Variants in GRID1 observed in about 807,000 individuals in gnomAD.
The protein encoded by GRID1 is glutamate receptor ionotropic, delta-1.
A neutral mutation model predicts 98.0 loss-of-function variants in GRID1; 28 were observed. That is an observed-to-expected ratio of 0.29 (90% CI 0.21 to 0.39). The LOEUF is 0.39. GRID1 is among the 10% of genes least tolerant of loss of function. The probability of loss-of-function intolerance (pLI) is 1.00; values close to 1 mark genes in which losing one functional copy is unlikely to be tolerated. For synonymous variants in GRID1, 553 were observed against 538.5 expected (o/e 1.03, Z -0.37); for missense variants, 1,111 against 1,340.5 (o/e 0.83, Z 2.67).
chr10:86,129,614 A>T (rs963105280), intron 4 of GRID1, among the ~76,000 whole-genome samples: 1 of 152,038 alleles, frequency 6.6e-6, no homozygotes, highest in Non-Finnish European at 1.5e-5. Flanking sequence ...CCTCTTTACC[A>T]TGTTCACCCC....
chr10:86,186,938 A>G (rs887947180), intron 3 of GRID1, among the ~76,000 whole-genome samples: 1 of 152,250 alleles, frequency 6.6e-6, no homozygotes, highest in Admixed American at 6.5e-5. Context: ...GGCAGAAGCA[A>G]CTGTTCCTCT....
chr10:85,901,038 C>T (rs73344638), intron 5 of GRID1, among the ~76,000 whole-genome samples: 2,888 of 152,064 alleles, frequency 0.019, 83 homozygotes, highest in African/African-American at 0.065. Context: ...GAACTAGGGT[C>T]GCAGCAGGCC....
intron 4 of GRID1, among the ~76,000 whole-genome samples, chr10:86,016,298 C>A (rs1166704026): frequency 2.0e-5 from 3 of 150,154 alleles, no homozygotes; most frequent in African/African-American, 7.3e-5. Context: ...AGGTGCCCAC[C>A]ACCACGCCTG....
intron 5 of GRID1, among the ~76,000 whole-genome samples, chr10:85,898,691 T>C (rs12247493): frequency 0.32 from 48,796 of 151,936 alleles, 8,945 homozygotes; most frequent in African/African-American, 0.5. Flanking sequence ...ACATCTTGTC[T>C]CACTAGAAGG....
At chr10:85,724,312 C>A in intron 11 of GRID1, 40 bp downstream of exon 11, 1 of 1,514,730 alleles carries the variant, frequency 6.6e-7, no homozygotes, top group South Asian at 1.2e-5. Context: ...TTCTTCCAGG[C>A]CCCTAGAGCT....
chr10:85,821,312 G>C (rs968654040), intron 8 of GRID1, among the ~76,000 whole-genome samples: 3 of 151,704 alleles, frequency 2.0e-5, no homozygotes, highest in Non-Finnish European at 4.4e-5. Flanking sequence ...GAGGTCAGGA[G>C]TTGGAGCCCA....
At chr10:85,722,387 CT>C (rs901843618) in intron 12 of GRID1, among the ~76,000 whole-genome samples, 3 of 151,900 alleles carry the variant, frequency 2.0e-5, no homozygotes, top group East Asian at 1.9e-4. Context: ...TGTCCAAGTT[CT>C]TTTTTTTGTA....
At chr10:85,666,471 T>A (rs916930654) in intron 12 of GRID1, among the ~76,000 whole-genome samples, 5 of 152,140 alleles carry the variant, frequency 3.3e-5, no homozygotes, top group Middle Eastern at 3.2e-3. Flanking sequence ...GCACTGGGAC[T>A]TTGATGCCTC....
intron 8 of GRID1, among the ~76,000 whole-genome samples, chr10:85,749,727 C>T (rs1842028703): frequency 6.6e-6 from 1 of 152,110 alleles, no homozygotes; most frequent in African/African-American, 2.4e-5. Context: ...TCAGACAGTC[C>T]AAAACTATTC....
chr10:86,074,674 C>G (rs984829074), intron 4 of GRID1, among the ~76,000 whole-genome samples: 1 of 152,130 alleles, frequency 6.6e-6, no homozygotes, highest in Non-Finnish European at 1.5e-5. Flanking sequence ...GTCAAGTAAC[C>G]CTTTGATATA....
chr10:85,648,543 C>A (rs1252708389), intron 12 of GRID1, among the ~76,000 whole-genome samples: 1 of 138,122 alleles, frequency 7.2e-6, no homozygotes, highest in Non-Finnish European at 1.6e-5. Flanking sequence ...ACAGGAAGAG[C>A]CAGTCTTCTC....
intron 4 of GRID1, among the ~76,000 whole-genome samples, chr10:86,123,940 C>G (rs942519431): frequency 1.3e-5 from 2 of 152,206 alleles, no homozygotes; most frequent in Non-Finnish European, 2.9e-5. Flanking sequence ...ACCAAGGGCC[C>G]ATGCAGGCGG....
At position 86,199,256 on chromosome 10, in the gene GRID1, T is replaced by C. The variant is rs143335410; in HGVS notation, c.520+7108A>G. The stretch of plus-strand genomic sequence containing the variant: ...CCACGTCACCATTCTCACTTCTCTA[T>C]TGTCAGCTAACAGCACCATGTTTTG... On this transcript the variant is annotated intron_variant, in intron 3 of 15. Coordinates refer to ENST00000327946, the MANE Select transcript of GRID1 (RefSeq NM_017551.3). 1.6e-4 allele frequency among the ~76,000 whole-genome samples: 24 copies of C among 152,270 alleles called. No individual in the cohort carries two copies. In the East Asian group the frequency reaches 3.5e-3, roughly 22 times the overall value.
At chr10:85,645,042 C>T (rs1467213419) in intron 13 of GRID1, among the ~76,000 whole-genome samples, 2 of 152,206 alleles carry the variant, frequency 1.3e-5, no homozygotes, top group Non-Finnish European at 2.9e-5. Flanking sequence ...AGTAATCTTG[C>T]ATTGGTTATA....
chr10:85,700,782 T>C (rs1180299852), intron 12 of GRID1, among the ~76,000 whole-genome samples: 3 of 152,188 alleles, frequency 2.0e-5, no homozygotes, highest in South Asian at 2.1e-4. Flanking sequence ...AATTGATAAG[T>C]GAATCTCTGC....
At chr10:86,249,729 C>T (rs1846790532) in intron 2 of GRID1, among the ~76,000 whole-genome samples, 1 of 152,232 alleles carries the variant, frequency 6.6e-6, no homozygotes, top group Non-Finnish European at 1.5e-5. Flanking sequence ...GCTCAGATGG[C>T]CTTCCTTGAG....
At chr10:85,897,995 G>A (rs1433563814) in intron 5 of GRID1, among the ~76,000 whole-genome samples, 1 of 152,124 alleles carries the variant, frequency 6.6e-6, no homozygotes, top group Non-Finnish European at 1.5e-5. Flanking sequence ...GATATGTTCT[G>A]AGAAATGTGT....
chr10:86,240,460 G>A (rs1487360238), intron 2 of GRID1, among the ~76,000 whole-genome samples: 1 of 152,208 alleles, frequency 6.6e-6, no homozygotes, highest in African/African-American at 2.4e-5. Flanking sequence ...CATGCTGGAG[G>A]GCCAGGGGCA....
rs565712581 is a variant in GRID1, at chr10:86,192,581, G to A, written c.520+13783C>T. The stretch of plus-strand genomic sequence containing the variant: ...TTGAATGAGTACAGAGTTTCGGTTT[G>A]GGAAGATGAGAACCTTCTGGAGATG... On this transcript the variant is annotated intron_variant, in intron 3 of 15. Transcript: ENST00000327946. The surrounding 1 kb of genome is among the most constrained non-coding windows in gnomAD (Gnocchi z 4.8). Among the ~76,000 whole-genome samples the A allele has an allele frequency of 3.6e-4, 54 of 150,160 alleles. 1 individual carries two copies. The highest frequency in any genetic ancestry group is 1.9e-3 in the South Asian group (9 of 4,816).
Sources: gnomAD v4.1 joint callset for allele counts (sites outside exome capture counted in the v4.1 genomes callset) on GRCh38, gnomAD v4.1.1 for gene constraint, Gnocchi (gnomAD v3.1) non-coding constraint, MANE v1.5 for transcripts, NCBI Gene and HGNC (gene_info 2026-07-23, HGNC 2026-07-21) for gene names.